The following VWA5A variants were observed in gnomAD, a reference collection of about 807,000 sequenced individuals.
VWA5A encodes von Willebrand factor A domain-containing protein 5A.
VWA5A carries 77 observed loss-of-function variants against 84.6 expected under a neutral mutation model. The observed-to-expected ratio is 0.91, with a 90% confidence interval of 0.76 to 1.10. The LOEUF is 1.10. Ranked by LOEUF, VWA5A falls within the 50% of genes least tolerant of loss-of-function variation. The probability of loss-of-function intolerance (pLI) is 0.00; values close to 1 mark genes in which losing one functional copy is unlikely to be tolerated. For missense variants in VWA5A, 973 were observed against 963.0 expected (o/e 1.01, Z -0.14); for synonymous variants, 334 against 350.1 (o/e 0.95, Z 0.51).
chr11:124,136,549 A>G (rs1301344599), intron 13 of VWA5A, 25 bp from the exon 14 acceptor site: 2 of 1,605,442 alleles, frequency 1.2e-6, no homozygotes, highest in Non-Finnish European at 8.5e-7. Context: ...ATGTTCCGTC[A>G]TTTCTACTCA....
intron 17 of VWA5A, 67 bp from the exon 18 acceptor site, chr11:124,145,170 A>G: frequency 6.5e-7 from 1 of 1,539,468 alleles, no homozygotes; most frequent in African/African-American, 1.4e-5. Context: ...GTGAGGAGGG[A>G]GTGAAGCTTT....
Position 124,118,415 on chromosome 11 carries a change from A to C in VWA5A, c.469+4A>C, listed in dbSNP as rs778253297. The C allele has an allele frequency of 1.2e-6, 2 of 1,614,116 alleles. No individual in the cohort carries two copies. The highest frequency in any genetic ancestry group is 2.2e-5 in the South Asian group (2 of 91,074). On this transcript the variant is annotated splice_donor_region_variant and intron_variant, in intron 5 of 18. Transcript: ENST00000456829. ...AATCCTAGATACCAGTTCTCTGGTG[A>C]GTACCTCTCCCCTTTGAATTCTAGT... is the stretch of plus-strand genomic sequence containing the variant.
intron 17 of VWA5A, among the ~76,000 whole-genome samples, chr11:124,143,387 A>T (rs1046583564): frequency 6.6e-6 from 1 of 152,228 alleles, no homozygotes; most frequent in African/African-American, 2.4e-5. Context: ...AATAAATTTC[A>T]GATATTCTGC....
At position 124,141,977 on chromosome 11, in the gene VWA5A, C is replaced by G. The variant is rs573429532; in HGVS notation, c.2023+236C>G. On this transcript the variant is annotated intron_variant, in intron 16 of 18. Transcript: ENST00000456829. ...CAATCTATAGGGACTGACAAACTAG[C>G]CTTCAATGTTCTGCTGCCTGTGGCT... is the stretch of plus-strand genomic sequence containing the variant. 1.9e-3 allele frequency among the ~76,000 whole-genome samples: 286 copies of G among 152,268 alleles called. 1 individual carries two copies. Among genetic ancestry groups the G allele is most frequent in the African/African-American group, 6.4e-3 (266 of 41,538 alleles).
chr11:124,117,729 T>C lies in VWA5A; in HGVS notation c.100T>C (p.Ser34Pro). ...CATTTACGAGTTTGTGGCTGGTGTGTCTGCAACTTTGAACTACGAGAATGA... is the reference window on the plus strand; with the variant it reads ...CATTTACGAGTTTGTGGCTGGTGTGCCTGCAACTTTGAACTACGAGAATGA... The part of the protein sequence containing the change: ...VNIYEFVAGV[S>P]ATLNYENEEK... Residue 34 changes from serine (S) to proline (P), a missense_variant, in exon 4 of 19, where the codon TCT becomes CCT. Physicochemically the swap from Ser to Pro is moderately conservative, Grantham distance 74 (BLOSUM62 -1). Coordinates refer to ENST00000456829, the MANE Select transcript of VWA5A (RefSeq NM_001130142.2). 1 of 1,614,220 alleles carries C rather than the reference T, an allele frequency of 6.2e-7. No individual in the cohort carries two copies. Among genetic ancestry groups the C allele is most frequent in the Non-Finnish European group, 8.5e-7 (1 of 1,180,034 alleles).
chr11:124,137,673 A>G (rs1172818875), intron 15 of VWA5A, among the ~76,000 whole-genome samples: 3 of 152,168 alleles, frequency 2.0e-5, no homozygotes, highest in East Asian at 3.9e-4. Flanking sequence ...GCCACAATCA[A>G]TTTTAGAGCA....
chr11:124,123,250 G>C, intron 8 of VWA5A, 116 bp from the exon 9 acceptor site: 1 of 1,519,724 alleles, frequency 6.6e-7, no homozygotes, highest in Middle Eastern at 1.8e-4. Context: ...GCTAGCCTTG[G>C]AATGTAAGAA....
intron 11 of VWA5A, among the ~76,000 whole-genome samples, chr11:124,129,255 T>C (rs1200020217): frequency 6.6e-6 from 1 of 152,210 alleles, no homozygotes; most frequent in East Asian, 1.9e-4. Flanking sequence ...GTTTTGTCAT[T>C]GGTTCTGTTT....
At chr11:124,123,245 C>T in intron 8 of VWA5A, 116 bp downstream of exon 8, 6 of 1,518,472 alleles carry the variant, frequency 4.0e-6, no homozygotes, top group Non-Finnish European at 4.4e-6. Flanking sequence ...CTGAGGCTAG[C>T]CTTGGAATGT....
rs532981362 is a variant in VWA5A, at chr11:124,141,597, G to A, written c.1880-1G>A. On this transcript the variant is annotated splice_acceptor_variant, in intron 15 of 18. Coordinates refer to ENST00000456829, the MANE Select transcript of VWA5A (RefSeq NM_001130142.2). LOFTEE classifies it high-confidence loss of function. ...CTGTCTTAATGTTTGGATTTTTTCA[G>A]GTTTTCGAAAGGCCTTACACTCTGA... 9 of 1,613,930 alleles carry A rather than the reference G, an allele frequency of 5.6e-6. No individual in the cohort carries two copies. The East Asian group carries it at 1.8e-4, about 32-fold the overall frequency.
intron 17 of VWA5A, among the ~76,000 whole-genome samples, chr11:124,143,343 T>C (rs1160052541): frequency 1.3e-5 from 2 of 152,192 alleles, no homozygotes; most frequent in Non-Finnish European, 2.9e-5. Flanking sequence ...AGGACAAATA[T>C]CATTCTAAAC....
At position 124,137,208 on chromosome 11, in the gene VWA5A, G is replaced by A. The variant is rs1356843898; in HGVS notation, c.1819G>A (p.Asp607Asn). The change falls in exon 15 of 19, where the codon GAC becomes AAC. Residue 607 changes from aspartate (D) to asparagine (N), a missense_variant. Physicochemically the swap from Asp to Asn is conservative, Grantham distance 23 (BLOSUM62 1). Transcript: ENST00000456829. ...GGTTCAGGGGCCTCTGGCTCATAGGGACGTCCCAAGGCCAATTCTGTTGGG... is the reference window on the plus strand; with the variant it reads ...GGTTCAGGGGCCTCTGGCTCATAGGAACGTCCCAAGGCCAATTCTGTTGGG... ...KPVQGPLAHRDVPRPILLGAS... is the reference protein window; with the variant it reads ...KPVQGPLAHRNVPRPILLGAS... 1 of 1,614,014 alleles carries A rather than the reference G, an allele frequency of 6.2e-7. No individual in the cohort carries two copies. The highest frequency in any genetic ancestry group is 1.3e-5 in the African/African-American group (1 of 74,898).
At chr11:124,133,128 T>G (rs1323662867) in intron 11 of VWA5A, among the ~76,000 whole-genome samples, 1 of 152,236 alleles carries the variant, frequency 6.6e-6, no homozygotes, top group Non-Finnish European at 1.5e-5. Context: ...GGATTCATTC[T>G]TTTCATTCTT....
chr11:124,141,497 A>G, intron 15 of VWA5A, 101 bp from the exon 16 acceptor site: 1 of 1,466,350 alleles, frequency 6.8e-7, no homozygotes, highest in Non-Finnish European at 9.3e-7. Context: ...TGGTGACTGA[A>G]GCCAGTGTGG....
rs1368043748 is a variant in VWA5A, at chr11:124,123,016, G to T, written c.817G>T (p.Asp273Tyr). The T allele has an allele frequency of 6.2e-7, 1 of 1,614,162 alleles. No individual in the cohort carries two copies. Among genetic ancestry groups the T allele is most frequent in the East Asian group, 2.2e-5 (1 of 44,878 alleles). The change falls in exon 8 of 19, where the codon GAT becomes TAT. Residue 273 changes from aspartate (D) to tyrosine (Y), a missense_variant. By Grantham distance (160) the Asp-to-Tyr change is radical. Transcript: ENST00000456829. ...GAGTTTCTATCCAAATATCCCAGAA[G>T]ATCAACCATCAAATACCTGTGGAGA... ...MVSFYPNIPEDQPSNTCGEFI... is the reference protein window; with the variant it reads ...MVSFYPNIPEYQPSNTCGEFI...
intron 13 of VWA5A, 121 bp downstream of exon 13, chr11:124,136,414 A>T: frequency 6.9e-7 from 1 of 1,459,102 alleles, no homozygotes; most frequent in Non-Finnish European, 9.3e-7. Flanking sequence ...TAGCTAGCCT[A>T]CTTCCTTCCC....
At position 124,142,623 on chromosome 11, in the gene VWA5A, C is replaced by G. The variant is rs567464071; in HGVS notation, c.2154+51C>G. 2.5e-6 allele frequency: 4 copies of G among 1,608,064 alleles called. No individual in the cohort carries two copies. The South Asian group carries it at 4.4e-5, about 18-fold the overall frequency. On this transcript the variant is annotated intron_variant, in intron 17 of 18. Transcript: ENST00000456829. ...TGTATGTTTTTGAGAGAGAGGTCAT[C>G]ATTGAGAATTGAGGTGATTCAGGAC... is the stretch of plus-strand genomic sequence containing the variant.
chr11:124,124,660 T>A, intron 11 of VWA5A: 1 of 717,574 alleles, frequency 1.4e-6, no homozygotes, highest in Non-Finnish European at 1.8e-6. Context: ...ATTATCACAG[T>A]GAATGCACTG....
At chr11:124,145,188 C>A (rs758311081) in intron 17 of VWA5A, 49 bp from the exon 18 acceptor site, 1 of 1,563,572 alleles carries the variant, frequency 6.4e-7, no homozygotes. Context: ...TTTTTGCATC[C>A]TTTTGAGGGA....
Sources: gnomAD v4.1 joint callset for allele counts (sites outside exome capture counted in the v4.1 genomes callset) on GRCh38, gnomAD v4.1.1 for gene constraint, MANE v1.5 for transcripts, NCBI Gene and HGNC (gene_info 2026-07-23, HGNC 2026-07-21) for gene names.